Variants in CLCN3 observed in about 807,000 individuals in gnomAD.
The protein encoded by CLCN3 is Cl-/H+ antiporter 3, also known as H(+)/Cl(-) exchange transporter 3.
In CLCN3, 16 loss-of-function variants were observed where a neutral mutation model predicts 83.4. The observed-to-expected ratio is 0.19, with a 90% CI of 0.13 to 0.29. The LOEUF (loss-of-function observed/expected upper bound fraction) is 0.29. Ranked by LOEUF, CLCN3 falls within the 10% of genes least tolerant of loss-of-function variation. The pLI, the probability that CLCN3 is intolerant of heterozygous loss-of-function variation, is 1.00. For synonymous variants in CLCN3, 322 were observed against 346.2 expected, an observed-to-expected ratio of 0.93 and a Z score of 0.78; for missense variants, 544 against 1,006.0, an observed-to-expected ratio of 0.54 and a Z score of 6.21.
chr4:169,647,517 A>G (rs368730401), intron 2 of CLCN3, among the ~76,000 whole-genome samples: 3 of 152,308 alleles, frequency 2.0e-5, no homozygotes, highest in Admixed American at 6.5e-5. Context: ...TTGTAGTACC[A>G]GGAGTGAAGA....
chr4:169,695,194 T>G (rs1407881723), intron 7 of CLCN3, among the ~76,000 whole-genome samples: 1 of 152,188 alleles, frequency 6.6e-6, no homozygotes, highest in Non-Finnish European at 1.5e-5. Flanking sequence ...TTGCTACGAT[T>G]TGGAATAGAG....
At chr4:169,704,582 A>T (rs915656179) in intron 10 of CLCN3, among the ~76,000 whole-genome samples, 2 of 152,226 alleles carry the variant, frequency 1.3e-5, no homozygotes, top group African/African-American at 4.8e-5. Flanking sequence ...GTTTCAGAGT[A>T]GGTTTACTTT....
intron 2 of CLCN3, among the ~76,000 whole-genome samples, chr4:169,679,107 G>C (rs898488674): frequency 1.1e-3 from 172 of 151,378 alleles, no homozygotes; most frequent in Non-Finnish European, 1.4e-3. Flanking sequence ...GGCGGCTGCC[G>C]GGCGGAGGGG....
intron 7 of CLCN3, among the ~76,000 whole-genome samples, chr4:169,694,487 A>G (rs1040545258): frequency 6.6e-6 from 1 of 152,194 alleles, no homozygotes; most frequent in African/African-American, 2.4e-5. Flanking sequence ...ACAATTGACC[A>G]TTTGAAGAAA....
intron 9 of CLCN3, among the ~76,000 whole-genome samples, chr4:169,699,710 C>T (rs191969242): frequency 9.9e-5 from 15 of 152,034 alleles, no homozygotes; most frequent in East Asian, 5.8e-4. Context: ...GGTGAAACCC[C>T]GTCTTTACTA....
chr4:169,712,229 A>G (rs1733249009), intron 11 of CLCN3, among the ~76,000 whole-genome samples: 1 of 152,186 alleles, frequency 6.6e-6, no homozygotes, highest in Admixed American at 6.5e-5. Context: ...CTCAAAGTAG[A>G]AACATAAAGC....
intron 11 of CLCN3, 32 bp downstream of exon 11, chr4:169,707,298 T>C: frequency 6.8e-7 from 1 of 1,479,934 alleles, no homozygotes; most frequent in Non-Finnish European, 9.1e-7. Flanking sequence ...TATGTATATA[T>C]GAGATGGATT....
intron 2 of CLCN3, among the ~76,000 whole-genome samples, chr4:169,672,409 G>T (rs985393844): frequency 3.3e-5 from 5 of 151,924 alleles, no homozygotes; most frequent in African/African-American, 1.2e-4. Flanking sequence ...CGAAGTGCTG[G>T]GATTACAGGT....
At chr4:169,663,755 A>C in intron 2 of CLCN3, 1 of 279,440 alleles carries the variant, frequency 3.6e-6, no homozygotes, top group Non-Finnish European at 7.2e-6. Context: ...GGAATTGTTA[A>C]GGAAAAGTCA....
intron 3 of CLCN3, among the ~76,000 whole-genome samples, chr4:169,685,084 A>T (rs1384700825): frequency 2.0e-5 from 3 of 151,474 alleles, no homozygotes; most frequent in Non-Finnish European, 4.4e-5. Flanking sequence ...TCCAAAGTGC[A>T]GAGATTACAG....
At chr4:169,686,622 G>A (rs1004125460) in intron 3 of CLCN3, among the ~76,000 whole-genome samples, 5 of 152,028 alleles carry the variant, frequency 3.3e-5, no homozygotes, top group Admixed American at 3.3e-4. Context: ...TCACTGTGTT[G>A]GCCAGACTGG....
At chr4:169,698,825 G>A (rs1444219286) in intron 9 of CLCN3, among the ~76,000 whole-genome samples, 1 of 152,156 alleles carries the variant, frequency 6.6e-6, no homozygotes, top group Non-Finnish European at 1.5e-5. Flanking sequence ...GTAGGAGAGA[G>A]TCTTGTTTTT....
chr4:169,691,321 C>A (rs1340017965), intron 6 of CLCN3, among the ~76,000 whole-genome samples: 1 of 151,970 alleles, frequency 6.6e-6, no homozygotes, highest in East Asian at 1.9e-4. Context: ...GTGGCTATGA[C>A]CCTGATTTTG....
At chr4:169,693,294 G>A (rs1732441609) in intron 7 of CLCN3, among the ~76,000 whole-genome samples, 1 of 152,176 alleles carries the variant, frequency 6.6e-6, no homozygotes. Context: ...GATTGTCGTA[G>A]TTTCATCTCT....
At position 169,687,741 on chromosome 4, in the gene CLCN3, A is replaced by G. The variant is rs1416134304; in HGVS notation, c.402A>G (p.Leu134=). ...GGTCAGGATGGCTAGTAGTAACACT[A>G]ACAGGATTGGCATCAGGTAAAGAAA... The part of the protein sequence containing the change: ...DAWSGWLVVT[L]TGLASGALAG... Residue 134 remains leucine (L), a synonymous_variant, in exon 4 of 13, where the codon CTA becomes CTG. Transcript: ENST00000513761. 3 of 1,585,520 alleles carry G rather than the reference A, an allele frequency of 1.9e-6. No individual in the cohort carries two copies. The highest frequency in any genetic ancestry group is 1.7e-6 in the Non-Finnish European group (2 of 1,163,658).
chr4:169,699,386 A>G (rs1732690155), intron 9 of CLCN3, among the ~76,000 whole-genome samples: 1 of 152,218 alleles, frequency 6.6e-6, no homozygotes, highest in South Asian at 2.1e-4. Flanking sequence ...GGGGAAGCAC[A>G]TATCAGCTTA....
At chr4:169,648,033 G>A (rs901444067) in intron 2 of CLCN3, among the ~76,000 whole-genome samples, 7 of 152,170 alleles carry the variant, frequency 4.6e-5, no homozygotes, top group African/African-American at 1.4e-4. Flanking sequence ...TAGACTGAAT[G>A]ACATTTTACA....
chr4:169,683,321 C>T (rs1358194721), intron 3 of CLCN3, among the ~76,000 whole-genome samples: 2 of 152,076 alleles, frequency 1.3e-5, no homozygotes, highest in Non-Finnish European at 2.9e-5. Context: ...AATATGGAGA[C>T]TATCTCTACA....
chr4:169,689,044 G>C lies in CLCN3; in HGVS notation c.420G>C (p.Gly140=). The change falls in exon 5 of 13, where the codon GGG becomes GGC. Residue 140 remains glycine, a splice_region_variant and synonymous_variant. Coordinates refer to ENST00000513761, the MANE Select transcript of CLCN3 (RefSeq NM_001829.4). ...ACCATCTCCAACATGTTTTTATAGG[G>C]GCACTGGCCGGATTAATAGACATTG... ...LVVTLTGLAS[G]ALAGLIDIAA... is the part of the protein sequence containing the mutation. 6.2e-7 allele frequency: 1 copy of C among 1,602,912 alleles called. No individual in the cohort carries two copies. The highest frequency in any genetic ancestry group is 1.1e-5 in the South Asian group (1 of 88,234).
Sources: allele counts gnomAD v4.1 joint callset (sites outside exome capture counted in the v4.1 genomes callset), GRCh38; gene constraint gnomAD v4.1.1; transcripts MANE v1.5; gene names NCBI Gene and HGNC (gene_info 2026-07-23, HGNC 2026-07-21).